Variants in FAR1 observed in about 807,000 individuals in gnomAD.
FAR1 encodes the protein fatty acyl-CoA reductase 1, also known as male sterility domain-containing protein 2.
FAR1 carries 22 observed loss-of-function variants against 61.1 expected under a neutral mutation model. The ratio of observed to expected loss-of-function variants is 0.36; its 90% CI spans 0.26 to 0.51. The LOEUF (loss-of-function observed/expected upper bound fraction) is 0.51, where lower values mean the gene tolerates loss of function less well. FAR1 is among the 20% of genes least tolerant of loss of function. The pLI is 0.95. For synonymous variants in FAR1, 206 were observed against 209.7 expected (o/e 0.98, Z 0.15); for missense variants, 359 against 626.9 (o/e 0.57, Z 4.56).
intron 4 of FAR1, among the ~76,000 whole-genome samples, chr11:13,710,047 G>C (rs1211925922): frequency 6.6e-6 from 1 of 151,954 alleles, no homozygotes; most frequent in Admixed American, 6.6e-5. Context: ...AATTTTTATA[G>C]CATGCTTCAA....
At chr11:13,699,870 G>A (rs1848351154) in intron 2 of FAR1, among the ~76,000 whole-genome samples, 1 of 152,076 alleles carries the variant, frequency 6.6e-6, no homozygotes, top group Non-Finnish European at 1.5e-5. Context: ...TGTAAATCGT[G>A]TTTTTTTCTA....
intron 1 of FAR1, among the ~76,000 whole-genome samples, chr11:13,684,644 C>A (rs1220897000): frequency 1.3e-5 from 2 of 152,124 alleles, no homozygotes; most frequent in African/African-American, 4.8e-5. Context: ...TGTCTTGGTG[C>A]TGGATTATCT....
chr11:13,727,743 T>A, intron 11 of FAR1, 60 bp downstream of exon 11: 4 of 1,506,558 alleles, frequency 2.7e-6, no homozygotes, highest in Non-Finnish European at 3.6e-6. Context: ...TTCCACAATT[T>A]TTTTGGTAAA....
At chr11:13,677,167 C>T (rs1362483566) in intron 1 of FAR1, among the ~76,000 whole-genome samples, 1 of 152,138 alleles carries the variant, frequency 6.6e-6, no homozygotes, top group African/African-American at 2.4e-5. Context: ...GCTAAGAATT[C>T]CCTGAAATGT....
intron 9 of FAR1, among the ~76,000 whole-genome samples, chr11:13,715,151 A>G (rs1848542073): frequency 6.6e-6 from 1 of 152,204 alleles, no homozygotes; most frequent in African/African-American, 2.4e-5. Context: ...CCGCGGTAAG[A>G]AGAATAGCAG....
chr11:13,703,746 CAA>C (rs1442067683), intron 3 of FAR1, among the ~76,000 whole-genome samples: 2 of 151,980 alleles, frequency 1.3e-5, no homozygotes, highest in Non-Finnish European at 2.9e-5. Context: ...GAAATACTGA[CAA>C]AAAGTGTGGG....
At chr11:13,726,030 A>T (rs562043921) in intron 10 of FAR1, among the ~76,000 whole-genome samples, 1 of 151,918 alleles carries the variant, frequency 6.6e-6, no homozygotes, top group Non-Finnish European at 1.5e-5. Context: ...GTTACTCTAG[A>T]GATTACAATG....
intron 9 of FAR1, chr11:13,720,921 G>A (rs371685010): frequency 6.6e-6 from 1 of 151,986 alleles, no homozygotes; most frequent in South Asian, 2.1e-4. Flanking sequence ...GCTCAAGTTA[G>A]TGTTATGATA....
intron 2 of FAR1, 78 bp downstream of exon 2, chr11:13,695,032 CT>C: frequency 1.7e-6 from 2 of 1,171,618 alleles, no homozygotes; most frequent in Non-Finnish European, 2.3e-6. Context: ...TCGTCAATAG[CT>C]TGGTATATTT....
Position 13,707,957 on chromosome 11 carries a change from A to G in FAR1, c.423A>G (p.Gln141=), listed in dbSNP as rs1393188494. The G allele has an allele frequency of 1.2e-6, 2 of 1,604,226 alleles. No homozygotes were observed. Among genetic ancestry groups the G allele is most frequent in the East Asian group, 2.3e-5 (1 of 44,274 alleles). Residue 141 remains glutamine, a synonymous_variant, in exon 4 of 12, where the codon CAA becomes CAG. Coordinates refer to ENST00000354817, the MANE Select transcript of FAR1 (RefSeq NM_032228.6). ...GACAGCTTATTCTCCTTGCACAACA[A>G]ATGAAGAATCTGGAAGTGTTCATGC... is the stretch of plus-strand genomic sequence containing the variant. ...ATRQLILLAQ[Q]MKNLEVFMHV... is the part of the protein sequence containing the mutation.
intron 1 of FAR1, 80 bp from the exon 2 acceptor site, chr11:13,694,679 T>G: frequency 8.1e-7 from 1 of 1,238,394 alleles, no homozygotes. Context: ...AAAATACTTA[T>G]TTGAATACCA....
At chr11:13,710,938 G>T (rs1848491764) in intron 5 of FAR1, 68 bp downstream of exon 5, 1 of 1,377,514 alleles carries the variant, frequency 7.3e-7, no homozygotes, top group Non-Finnish European at 1.0e-6. Flanking sequence ...TGTATAAAAA[G>T]AGCTGGCAGT....
chr11:13,708,902 G>A (rs1334249881), intron 4 of FAR1, among the ~76,000 whole-genome samples: 1 of 152,144 alleles, frequency 6.6e-6, no homozygotes, highest in African/African-American at 2.4e-5. Flanking sequence ...TTATTTGTGA[G>A]TATTGATAGA....
Position 13,729,348 on chromosome 11 carries a change from T to C in FAR1, c.*574T>C, listed in dbSNP as rs1314703657. ...GATGTTCTCATTTTTCTTTTTCTGA[T>C]TAAACGTCTGATGCATATCATTTTT... On this transcript the variant is annotated 3_prime_UTR_variant, in exon 12 of 12. Coordinates refer to ENST00000354817, the MANE Select transcript of FAR1 (RefSeq NM_032228.6). 4 of 152,032 alleles carry C rather than the reference T, an allele frequency of 2.6e-5. No individual in the cohort carries two copies. Among genetic ancestry groups the C allele is most frequent in the Non-Finnish European group, 5.9e-5 (4 of 67,886 alleles). The allele number at this position is 152,032 out of a possible 1,614,324, so 9.4% of individuals were successfully genotyped here. A position where few individuals can be genotyped will look rare whatever the true frequency, so the allele number is the denominator to read the frequency against.
chr11:13,706,122 A>G (rs1191920263), intron 3 of FAR1, among the ~76,000 whole-genome samples: 1 of 152,130 alleles, frequency 6.6e-6, no homozygotes, highest in African/African-American at 2.4e-5. Context: ...TATTATAAAC[A>G]TAGACTTTCT....
intron 10 of FAR1, among the ~76,000 whole-genome samples, chr11:13,725,108 G>T (rs966662958): frequency 1.3e-5 from 2 of 152,028 alleles, no homozygotes; most frequent in Non-Finnish European, 2.9e-5. Context: ...ATAGACATTT[G>T]AGTTATTTCC....
chr11:13,700,614 T>G, intron 3 of FAR1, 122 bp downstream of exon 3: 1 of 590,360 alleles, frequency 1.7e-6, no homozygotes. Context: ...CTATGTTAAC[T>G]GTGGCTTTCA....
At chr11:13,714,753 C>T (rs1425058033) in intron 9 of FAR1, 73 bp downstream of exon 9, 6 of 1,354,408 alleles carry the variant, frequency 4.4e-6, no homozygotes. Flanking sequence ...TGCATATTAA[C>T]TCTGTATTTG....
chr11:13,719,216 A>C (rs938879667), intron 9 of FAR1, among the ~76,000 whole-genome samples: 1 of 152,210 alleles, frequency 6.6e-6, no homozygotes, highest in Non-Finnish European at 1.5e-5. Flanking sequence ...AACGTTAAGG[A>C]AACAGTCTTC....
Sources: gnomAD v4.1 joint callset for allele counts (sites outside exome capture counted in the v4.1 genomes callset) on GRCh38, gnomAD v4.1.1 for gene constraint, MANE v1.5 for transcripts, NCBI Gene and HGNC (gene_info 2026-07-23, HGNC 2026-07-21) for gene names.